Variants in MKS1 observed in about 807,000 individuals in gnomAD.
The protein encoded by MKS1 is MKS transition zone complex subunit 1.
Under a neutral mutation model 83.7 loss-of-function variants are expected in MKS1, and 70 were observed. The observed-to-expected ratio is 0.84, with a 90% CI of 0.69 to 1.02. MKS1 has a LOEUF of 1.02. MKS1 is among the 50% of genes least tolerant of loss of function. The pLI is 0.00. For synonymous variants in MKS1, 251 were observed against 273.4 expected (o/e 0.92, Z 0.81); for missense variants, 681 against 726.9 (o/e 0.94, Z 0.73).
At chr17:58,206,661 G>C (rs1968533539) in intron 15 of MKS1, 114 bp from the exon 16 acceptor site, 1 of 1,079,522 alleles carries the variant, frequency 9.3e-7, no homozygotes, top group African/African-American at 1.6e-5. Context: ...GTTCTGTTGG[G>C]GAAACCTTAT....
Position 58,208,168 on chromosome 17 carries a change from C to T in MKS1, c.1102G>A (p.Val368Met), listed in dbSNP as rs762800635. Residue 368 changes from valine to methionine, a missense_variant, in exon 13 of 18, where the codon GTG becomes ATG. By Grantham distance (21) the Val-to-Met change is conservative (BLOSUM62 1). This residue lies in a region of MKS1 where 310 missense variants were observed against 321.7 expected (regional missense o/e 0.96). Transcript: ENST00000393119. ...GTGAATGGGTAGGAGAAGTGAGCCACCTTGTCCTATAAAAAGGAGTGTCAT... is the reference window on the plus strand; with the variant it reads ...GTGAATGGGTAGGAGAAGTGAGCCATCTTGTCCTATAAAAAGGAGTGTCAT... ...CTTKSLAMDK[V>M]AHFSYPFTFE... 6.2e-7 allele frequency: 1 copy of T among 1,612,012 alleles called. No individual in the cohort carries two copies. Among genetic ancestry groups the T allele is most frequent in the African/African-American group, 1.3e-5 (1 of 74,978 alleles).
chr17:58,218,802 A>G (rs1969415756), intron 1 of MKS1, 73 bp from the exon 2 acceptor site: 3 of 1,353,596 alleles, frequency 2.2e-6, no homozygotes, highest in Non-Finnish European at 3.2e-6. Flanking sequence ...AGGATGGGGG[A>G]AACAAAACAG....
At chr17:58,213,962 C>G in intron 6 of MKS1, 93 bp from the exon 7 acceptor site, 1 of 1,136,342 alleles carries the variant, frequency 8.8e-7, no homozygotes, top group Non-Finnish European at 1.3e-6. Context: ...AGAACAGAGG[C>G]TATAGGGAGA....
rs889407002 is a variant in MKS1, at chr17:58,208,333, T to C, written c.1096-159A>G. 7.5e-6 allele frequency: 7 copies of C among 935,338 alleles called. No individual in the cohort carries two copies. The African/African-American group carries it at 9.8e-5, about 13-fold the overall frequency. 57.9% of individuals were successfully genotyped at this position (935,338 alleles called of 1,614,324 possible). ...AAAAGGACACCCAAATACAAGCTGCTGCCATGCTCAAAAAGACAGACAGGA... is the reference window on the plus strand; with the variant it reads ...AAAAGGACACCCAAATACAAGCTGCCGCCATGCTCAAAAAGACAGACAGGA... On this transcript the variant is annotated intron_variant, in intron 12 of 17. Coordinates refer to ENST00000393119, the MANE Select transcript of MKS1 (RefSeq NM_017777.4).
chr17:58,209,657 A>G lies in MKS1; in HGVS notation c.1024+1002T>C, dbSNP rs1236039414. Reference sequence around the variant, plus strand: ...AAGGTGGGAATGAACCTGGCTGGGAAGAATGACTGGAAGGTTGTATGGAAG... The same window carrying G: ...AAGGTGGGAATGAACCTGGCTGGGAGGAATGACTGGAAGGTTGTATGGAAG... On this transcript the variant is annotated intron_variant, in intron 11 of 17. Coordinates refer to ENST00000393119, the MANE Select transcript of MKS1 (RefSeq NM_017777.4). The surrounding 1 kb of genome is among the most constrained non-coding windows in gnomAD (Gnocchi z 4.1). Among the ~76,000 whole-genome samples, 2 of 152,254 alleles carry G rather than the reference A, an allele frequency of 1.3e-5. No homozygotes were observed. The highest frequency in any genetic ancestry group is 2.9e-5 in the Non-Finnish European group (2 of 68,044).
intron 6 of MKS1, 151 bp downstream of exon 6, chr17:58,214,108 G>T: frequency 8.5e-7 from 1 of 1,179,948 alleles, no homozygotes; most frequent in Non-Finnish European, 1.2e-6. Flanking sequence ...GATCTGAGTT[G>T]GCAGTGAGAA....
In MKS1 at chr17:58,205,476, A is replaced by AAAAC; in HGVS notation, c.*599_*602dup. On this transcript the variant is annotated 3_prime_UTR_variant, in exon 18 of 18. Transcript: ENST00000393119. ...AGGGGTTTATGTAACAAAAAACAAAAAAACAAACAAACAAAAAAACACAGT... is the reference window on the plus strand; with the variant it reads ...AGGGGTTTATGTAACAAAAAACAAAAAAACAAACAAACAAACAAAAAAACACAGT... 8.8e-6 allele frequency: 11 copies of AAAAC among 1,252,910 alleles called. No individual in the cohort carries two copies. The highest frequency in any genetic ancestry group is 1.1e-5 in the Non-Finnish European group (11 of 970,002). The allele number at this position is 1,252,910 out of a possible 1,614,324, so 77.6% of individuals were successfully genotyped here. A position where few individuals can be genotyped will look rare whatever the true frequency, so the allele number is the denominator to read the frequency against.
chr17:58,216,551 G>T, intron 3 of MKS1, 115 bp downstream of exon 3: 1 of 1,190,828 alleles, frequency 8.4e-7, no homozygotes, highest in Non-Finnish European at 1.2e-6. Context: ...AACACAACAG[G>T]GGAAAGTATA....
chr17:58,214,158 C>A, intron 6 of MKS1, 101 bp downstream of exon 6: 2 of 1,562,534 alleles, frequency 1.3e-6, no homozygotes, highest in South Asian at 2.2e-5. Context: ...GAAAAAGTCC[C>A]TCCCTCCCCT....
Position 58,216,076 on chromosome 17 carries a change from A to G in MKS1, c.417+12T>C. On this transcript the variant is annotated intron_variant, in intron 4 of 17. Coordinates refer to ENST00000393119, the MANE Select transcript of MKS1 (RefSeq NM_017777.4). ...AAAGATGGAAGCTATGAGACCCTAGAAAGAACAATACCTCCTCCAAATTGG... is the reference window on the plus strand; with the variant it reads ...AAAGATGGAAGCTATGAGACCCTAGGAAGAACAATACCTCCTCCAAATTGG... 6.2e-7 allele frequency: 1 copy of G among 1,614,122 alleles called. No individual in the cohort carries two copies.
intron 5 of MKS1, 146 bp downstream of exon 5, chr17:58,214,595 A>G: frequency 2.9e-6 from 3 of 1,022,556 alleles, no homozygotes; most frequent in African/African-American, 1.7e-5. Context: ...AGTGAGGAAG[A>G]TATTTTATAT....
intron 9 of MKS1, among the ~76,000 whole-genome samples, chr17:58,211,909 C>A (rs1008170825): frequency 6.6e-6 from 1 of 151,960 alleles, no homozygotes; most frequent in African/African-American, 2.4e-5. Flanking sequence ...AGAAATGGCA[C>A]CCCTGCCTCT....
intron 9 of MKS1, 125 bp downstream of exon 9, chr17:58,212,253 T>C (rs1968917489): frequency 8.7e-7 from 1 of 1,145,294 alleles, no homozygotes; most frequent in African/African-American, 1.5e-5. Flanking sequence ...GTGCTATTCT[T>C]TGACTTCCTT....
intron 1 of MKS1, 51 bp from the exon 2 acceptor site, chr17:58,218,780 G>A (rs1969414902): frequency 6.8e-7 from 1 of 1,468,318 alleles, no homozygotes; most frequent in African/African-American, 1.4e-5. Context: ...ACCAGGAGAT[G>A]AACACAAAGC....
chr17:58,215,850 G>T, intron 4 of MKS1: 1 of 529,704 alleles, frequency 1.9e-6, no homozygotes, highest in South Asian at 2.0e-5. Context: ...TATAATCAGA[G>T]ATACTGGCAG....
intron 8 of MKS1, among the ~76,000 whole-genome samples, chr17:58,212,721 G>A (rs1034010641): frequency 1.3e-5 from 2 of 152,176 alleles, no homozygotes; most frequent in African/African-American, 4.8e-5. Flanking sequence ...CACCTCAAAG[G>A]GTTGTTGTAA....
In MKS1 at chr17:58,207,095, C is replaced by G. The variant is rs1024298383; in HGVS notation, c.1397G>C (p.Gly466Ala). The stretch of plus-strand genomic sequence containing the variant: ...AAAGACAAAAGTCACCTTGAAGGAT[C>G]CTGGTATCCGTACATAGGAGAGGTC... ...LEDLSYVRIP[G>A]SFKGERLSRF... Residue 466 changes from glycine (G) to alanine (A), a missense_variant, in exon 15 of 18, where the codon GGA (glycine) becomes GCA (alanine). By Grantham distance (60) the Gly-to-Ala change is moderately conservative (BLOSUM62 0). Around this residue, in one of 3 missense-constraint regions of MKS1, gnomAD observed 310 missense variants for 321.7 expected, o/e 0.96. Coordinates refer to ENST00000393119, the MANE Select transcript of MKS1 (RefSeq NM_017777.4). 5 of 1,614,200 alleles carry G rather than the reference C, an allele frequency of 3.1e-6. No homozygotes were observed. The highest frequency in any genetic ancestry group is 1.6e-4 in the Middle Eastern group (1 of 6,062).
At position 58,214,314 on chromosome 17, in the gene MKS1, T is replaced by C; in HGVS notation, c.589A>G (p.Ile197Val). ...TGCATTGTCTGAAGAGGGGTGTTAA[T>C]GACGTGGTTGTTCCTGACAAACTCT... ...SEEFVRNNHV[I>V]NTPLQTMHIM... Residue 197 changes from isoleucine (I) to valine (V), a missense_variant, in exon 6 of 18, where the codon ATT (isoleucine) becomes GTT (valine). Coordinates refer to ENST00000393119, the MANE Select transcript of MKS1 (RefSeq NM_017777.4). 1 of 1,614,102 alleles carries C rather than the reference T, an allele frequency of 6.2e-7. No individual in the cohort carries two copies. Among genetic ancestry groups the C allele is most frequent in the Non-Finnish European group, 8.5e-7 (1 of 1,180,028 alleles).
Position 58,213,880 on chromosome 17 carries a change from G to A in MKS1, c.645-11C>T. 6.2e-7 allele frequency: 1 copy of A among 1,604,208 alleles called. No homozygotes were observed. On this transcript the variant is annotated splice_polypyrimidine_tract_variant and intron_variant, in intron 6 of 17. Transcript: ENST00000393119. ...TTCTTATAGCCAAGCCTAGAAATCA[G>A]GAAAACACCAAGGTTGAGGTCAATG...
Sources: gnomAD v4.1 joint callset for allele counts (sites outside exome capture counted in the v4.1 genomes callset) on GRCh38, gnomAD v4.1.1 for gene constraint, gnomAD v4.1.1 regional missense constraint, Gnocchi (gnomAD v3.1) non-coding constraint, MANE v1.5 for transcripts, NCBI Gene and HGNC (gene_info 2026-07-23, HGNC 2026-07-21) for gene names.